Variants in CCDC12 observed in about 807,000 individuals in gnomAD.
CCDC12 encodes coiled-coil domain-containing protein 12.
In CCDC12, 28 loss-of-function variants were observed where a neutral mutation model predicts 25.7. The observed-to-expected ratio is 1.09, with a 90% CI of 0.81 to 1.50. The LOEUF is 1.50. Among genes scored for constraint, CCDC12 ranks in the 40% most tolerant of loss-of-function variants. The probability of loss-of-function intolerance (pLI) is 0.00; values close to 1 mark genes in which losing one functional copy is unlikely to be tolerated. For synonymous variants in CCDC12, 75 were observed against 87.7 expected (o/e 0.86, Z 0.81); for missense variants, 198 against 210.0 (o/e 0.94, Z 0.35).
chr3:46,923,932 A>G (rs2032822564), intron 3 of CCDC12: 1 of 376,540 alleles, frequency 2.7e-6, no homozygotes, highest in African/African-American at 2.1e-5. Context: ...GGAAGCATGG[A>G]TGCTGACAAT....
chr3:46,943,928 C>T (rs1240303702), intron 1 of CCDC12, among the ~76,000 whole-genome samples: 2 of 152,172 alleles, frequency 1.3e-5, no homozygotes, highest in Non-Finnish European at 2.9e-5. Flanking sequence ...TAAGGTGTAC[C>T]TCAGCCTTCC....
intron 1 of CCDC12, among the ~76,000 whole-genome samples, chr3:46,967,927 T>C (rs1026848470): frequency 1.3e-5 from 2 of 152,204 alleles, no homozygotes; most frequent in Non-Finnish European, 2.9e-5. Context: ...TTATAGGCTA[T>C]ATACCAAGAC....
At chr3:46,937,544 C>T (rs890839071) in intron 2 of CCDC12, among the ~76,000 whole-genome samples, 3 of 152,222 alleles carry the variant, frequency 2.0e-5, no homozygotes, top group Non-Finnish European at 2.9e-5. Flanking sequence ...GGGGTCATCT[C>T]TCCAATGGAC....
intron 1 of CCDC12, among the ~76,000 whole-genome samples, chr3:46,954,019 GA>G (rs2034209278): frequency 6.6e-6 from 1 of 152,198 alleles, no homozygotes; most frequent in African/African-American, 2.4e-5. Flanking sequence ...AAAAGCAAAT[GA>G]TAAGGTCCAT....
chr3:46,923,812 T>C (rs919585122), intron 3 of CCDC12, 144 bp from the exon 4 acceptor site: 2 of 576,634 alleles, frequency 3.5e-6, no homozygotes, highest in East Asian at 6.8e-5. Flanking sequence ...CAGCCAGAGG[T>C]GAAGACCCTG....
chr3:46,957,934 C>A (rs528377007), intron 1 of CCDC12, among the ~76,000 whole-genome samples: 13 of 144,336 alleles, frequency 9.0e-5, no homozygotes, highest in African/African-American at 3.0e-4. Context: ...CAGAGCGAGA[C>A]TCCATCTCAA....
intron 5 of CCDC12, 105 bp downstream of exon 5, chr3:46,923,224 G>T: frequency 8.7e-7 from 1 of 1,154,450 alleles, no homozygotes; most frequent in African/African-American, 1.6e-5. Flanking sequence ...TGTCTGTACT[G>T]CCAGTCTCTG....
At chr3:46,946,371 G>C (rs539199179) in intron 1 of CCDC12, among the ~76,000 whole-genome samples, 2 of 152,250 alleles carry the variant, frequency 1.3e-5, no homozygotes, top group Non-Finnish European at 2.9e-5. Flanking sequence ...AATTAGCAAG[G>C]GATAGGTGTT....
chr3:46,922,123 G>A lies in CCDC12; in HGVS notation c.435C>T (p.Gly145=). 1 of 1,614,280 alleles carries A rather than the reference G, an allele frequency of 6.2e-7. No individual in the cohort carries two copies. The highest frequency in any genetic ancestry group is 8.5e-7 in the Non-Finnish European group (1 of 1,180,044). The change falls in exon 7 of 7, where the codon GGC becomes GGT. Residue 145 remains glycine (G), a synonymous_variant. Transcript: ENST00000683445. ...IAELIRERLK[G]QEDSLASAVD... The stretch of plus-strand genomic sequence containing the variant: ...CTGCAGAGGCTAGGCTGTCTTCCTG[G>A]CCTTTCAGCCTTTCACCTGGGATGG...
intron 2 of CCDC12, among the ~76,000 whole-genome samples, chr3:46,938,301 A>T (rs896052088): frequency 6.6e-6 from 1 of 152,140 alleles, no homozygotes; most frequent in African/African-American, 2.4e-5. Context: ...ACCTAACAGG[A>T]AGCAGGTCCT....
At chr3:46,958,142 T>G (rs926748697) in intron 1 of CCDC12, among the ~76,000 whole-genome samples, 3 of 152,054 alleles carry the variant, frequency 2.0e-5, no homozygotes, top group African/African-American at 4.8e-5. Flanking sequence ...TGTTTAGGAT[T>G]AAATAAGTTT....
rs141734645 is a variant in CCDC12, at chr3:46,928,537, A to G, written c.165-3002T>C. Reference sequence around the variant, plus strand: ...ACCTCATATAATCTCATGGGCCTGGAGAGAAAAAAAAAAGTGTGTTTAAGC... The same window carrying G: ...ACCTCATATAATCTCATGGGCCTGGGGAGAAAAAAAAAAGTGTGTTTAAGC... On this transcript the variant is annotated intron_variant, in intron 2 of 6. Coordinates refer to ENST00000683445, the MANE Select transcript of CCDC12 (RefSeq NM_001277074.2). Among the ~76,000 whole-genome samples the G allele has an allele frequency of 5.1e-4, 77 of 152,256 alleles. 2 individuals carry two copies. The East Asian group carries it at 0.014, about 29-fold the overall frequency.
intron 1 of CCDC12, among the ~76,000 whole-genome samples, chr3:46,952,596 T>C (rs192571172): frequency 3.3e-5 from 5 of 152,180 alleles, no homozygotes; most frequent in Admixed American, 6.5e-5. Context: ...CTAGGTTCCA[T>C]AAAATTGGAA....
intron 2 of CCDC12, among the ~76,000 whole-genome samples, chr3:46,930,199 T>C (rs1378351946): frequency 1.3e-5 from 2 of 152,202 alleles, no homozygotes; most frequent in Non-Finnish European, 2.9e-5. Flanking sequence ...CTTGCTTCTC[T>C]GATTTTCTGT....
intron 3 of CCDC12, chr3:46,925,205 C>T: frequency 1.5e-6 from 1 of 671,496 alleles, no homozygotes; most frequent in Non-Finnish European, 2.7e-6. Context: ...ACTCAGATCC[C>T]TGGGAGGCCT....
intron 1 of CCDC12, among the ~76,000 whole-genome samples, chr3:46,956,724 G>C (rs2034298556): frequency 6.7e-6 from 1 of 149,494 alleles, no homozygotes; most frequent in African/African-American, 2.5e-5. Context: ...GGGGGGCTGA[G>C]GTGGGGGAAT....
chr3:46,976,425 A>G (rs936180), intron 1 of CCDC12: 1,401,061 of 1,416,948 alleles, frequency 0.99, 694,009 homozygotes, highest in East Asian at 1. Flanking sequence ...ACCCCCGCGC[A>G]TGCGCGACGA....
chr3:46,964,823 G>C (rs1225905723), intron 1 of CCDC12, among the ~76,000 whole-genome samples: 2 of 152,076 alleles, frequency 1.3e-5, no homozygotes, highest in Non-Finnish European at 1.5e-5. Context: ...GCTGAAGGCC[G>C]CAGGGTCCTC....
At chr3:46,977,471 CAAAAAAAAAAA>C (rs61340798), upstream of CCDC12, among the ~76,000 whole-genome samples, 6 of 120,288 alleles carry the variant, frequency 5.0e-5, no homozygotes, top group Non-Finnish European at 5.1e-5. Context: ...GACTCCGTCT[CAAAAAAAAAAA>C]AAAAAAAAAA....
Sources: allele counts gnomAD v4.1 joint callset (sites outside exome capture counted in the v4.1 genomes callset), GRCh38; gene constraint gnomAD v4.1.1; transcripts MANE v1.5; gene names NCBI Gene and HGNC (gene_info 2026-07-23, HGNC 2026-07-21).